PCDHA11: variants seen among roughly 807,000 people sequenced by gnomAD.
PCDHA11 encodes the protein protocadherin alpha 11.
Under a neutral mutation model 70.3 loss-of-function variants are expected in PCDHA11, and 61 were observed. The ratio of observed to expected loss-of-function variants is 0.87; its 90% confidence interval spans 0.71 to 1.07. The LOEUF (loss-of-function observed/expected upper bound fraction) is 1.07, where lower values mean the gene tolerates loss of function less well. Ranked by LOEUF, PCDHA11 falls within the 50% of genes least tolerant of loss-of-function variation. The pLI is 0.00. For missense variants in PCDHA11, 1,324 were observed against 1,237.5 expected (o/e 1.07, Z -1.05); for synonymous variants, 633 against 555.1 (o/e 1.14, Z -1.97).
chr5:140,871,193 T>G lies in PCDHA11; in HGVS notation c.2090T>G (p.Val697Gly), dbSNP rs782048235. 1.2e-6 allele frequency: 2 copies of G among 1,613,630 alleles called. No individual in the cohort carries two copies. Among genetic ancestry groups the G allele is most frequent in the African/African-American group, 1.3e-5 (1 of 75,054 alleles). ...SPEAALVDVN[V>G]YLIIAICVVS... is the part of the protein sequence containing the mutation. ...GAGGCTGCGCTGGTGGATGTCAACG[T>G]GTACCTGATCATCGCCATCTGCGTG... is the stretch of plus-strand genomic sequence containing the variant. Residue 697 changes from valine to glycine, a missense_variant, in exon 1 of 4, where the codon GTG becomes GGG. Coordinates refer to ENST00000398640, the MANE Select transcript of PCDHA11 (RefSeq NM_018902.5).
At chr5:140,875,580 C>G (rs1381718234) in intron 1 of PCDHA11, 7 of 1,613,958 alleles carry the variant, frequency 4.3e-6, no homozygotes, top group Admixed American at 1.7e-5. Context: ...ACTCCGTCTA[C>G]GAGGAGGCCA....
chr5:140,944,346 C>A (rs2093644964), intron 1 of PCDHA11, among the ~76,000 whole-genome samples: 2 of 152,130 alleles, frequency 1.3e-5, no homozygotes, highest in African/African-American at 4.8e-5. Flanking sequence ...TGCCACCACA[C>A]CTGGCTAATT....
chr5:140,928,807 C>G (rs782261335), intron 1 of PCDHA11: 1 of 1,614,094 alleles, frequency 6.2e-7, no homozygotes, highest in Admixed American at 1.7e-5. Context: ...GGTAGTGGTT[C>G]GGGACCATGG....
At chr5:140,959,412 A>G (rs2153722176) in intron 1 of PCDHA11, among the ~76,000 whole-genome samples, 1 of 152,256 alleles carries the variant, frequency 6.6e-6, no homozygotes, top group African/African-American at 2.4e-5. Context: ...GTGTTGATTG[A>G]TCTGAGAATT....
intron 1 of PCDHA11, among the ~76,000 whole-genome samples, chr5:140,961,980 T>C (rs909552255): frequency 6.6e-6 from 1 of 151,768 alleles, no homozygotes; most frequent in Non-Finnish European, 1.5e-5. Context: ...GCCTCCTGGG[T>C]TCACGCCATT....
At chr5:140,884,581 C>A in intron 1 of PCDHA11, 1 of 1,614,184 alleles carries the variant, frequency 6.2e-7, no homozygotes, top group African/African-American at 1.3e-5. Context: ...ACCTCATGGC[C>A]TTCAGTCCCA....
At chr5:140,880,554 A>T (rs546471112) in intron 1 of PCDHA11, among the ~76,000 whole-genome samples, 1 of 152,360 alleles carries the variant, frequency 6.6e-6, no homozygotes, top group South Asian at 2.1e-4. Flanking sequence ...ACTGATGGAA[A>T]TGAGGTTGAG....
intron 1 of PCDHA11, among the ~76,000 whole-genome samples, chr5:140,893,065 A>G (rs2063802609): frequency 6.6e-6 from 1 of 152,226 alleles, no homozygotes; most frequent in South Asian, 2.1e-4. Context: ...TACTGCCATG[A>G]ATAACAGGAT....
chr5:140,974,751 G>A (rs530548991), intron 1 of PCDHA11, among the ~76,000 whole-genome samples: 11 of 152,284 alleles, frequency 7.2e-5, no homozygotes, highest in African/African-American at 2.4e-4. Flanking sequence ...GCCTCCCAAA[G>A]TGCTGGGATT....
At chr5:140,917,259 T>C (rs1246984274) in intron 1 of PCDHA11, among the ~76,000 whole-genome samples, 2 of 151,338 alleles carry the variant, frequency 1.3e-5, no homozygotes, top group East Asian at 3.9e-4. Flanking sequence ...GCTCACCTGA[T>C]GTTTGGTTTT....
At chr5:140,977,732 G>A (rs538865467) in intron 1 of PCDHA11, among the ~76,000 whole-genome samples, 2 of 152,048 alleles carry the variant, frequency 1.3e-5, no homozygotes, top group African/African-American at 2.4e-5. Flanking sequence ...TTCTCTCCTG[G>A]GTGTTATGAA....
rs1188426625 is a variant in PCDHA11 at position 140,870,219 on chromosome 5, C to A, written c.1116C>A (p.Ser372Arg). 2 of 1,614,034 alleles carry A rather than the reference C, an allele frequency of 1.2e-6. No individual in the cohort carries two copies. The highest frequency in any genetic ancestry group is 1.7e-6 in the Non-Finnish European group (2 of 1,180,048). Residue 372 changes from serine to arginine, a missense_variant, in exon 1 of 4, where the codon AGC becomes AGA. By Grantham distance (110) the Ser-to-Arg change is moderately radical. Coordinates refer to ENST00000398640, the MANE Select transcript of PCDHA11 (RefSeq NM_018902.5). ...AQPSTVIALI[S>R]VSDRDSGVNG... ...CCAGCACGGTCATTGCCCTGATCAG[C>A]GTGTCTGACCGTGACTCAGGTGTCA...
At chr5:140,976,971 C>A (rs2096740170) in intron 1 of PCDHA11, among the ~76,000 whole-genome samples, 1 of 152,138 alleles carries the variant, frequency 6.6e-6, no homozygotes, top group Non-Finnish European at 1.5e-5. Flanking sequence ...TTTCCTTTTC[C>A]CTGCCTGATC....
rs782269395 is a variant in PCDHA11 at position 140,869,456 on chromosome 5, A to G, written c.353A>G (p.His118Arg). ...GTGGACAGGCCGCTGCAGGTTTTCC[A>G]TGTGAACGTGGAGGTGAAGGACATT... ...VIVDRPLQVFHVNVEVKDIND... is the reference protein window; with the variant it reads ...VIVDRPLQVFRVNVEVKDIND... Residue 118 changes from histidine (H) to arginine (R), a missense_variant, in exon 1 of 4, where the codon CAT (histidine) becomes CGT (arginine). Physicochemically the swap from His to Arg is conservative, Grantham distance 29. Coordinates refer to ENST00000398640, the MANE Select transcript of PCDHA11 (RefSeq NM_018902.5). 3 of 1,614,072 alleles carry G rather than the reference A, an allele frequency of 1.9e-6. No individual in the cohort carries two copies. Among genetic ancestry groups the G allele is most frequent in the Non-Finnish European group, 2.5e-6 (3 of 1,180,048 alleles).
intron 1 of PCDHA11, among the ~76,000 whole-genome samples, chr5:140,952,351 A>G (rs1217158530): frequency 8.3e-6 from 1 of 120,612 alleles, no homozygotes; most frequent in Non-Finnish European, 1.8e-5. Flanking sequence ...AAAAAAAAAA[A>G]AAAGAAAGAA....
intron 1 of PCDHA11, chr5:140,967,133 G>C: frequency 6.2e-7 from 1 of 1,611,928 alleles, no homozygotes; most frequent in East Asian, 2.2e-5. Flanking sequence ...CAGCTTGGAA[G>C]TGCTGGCGCA....
At chr5:140,990,007 C>T (rs1188956345) in intron 3 of PCDHA11, among the ~76,000 whole-genome samples, 2 of 151,870 alleles carry the variant, frequency 1.3e-5, no homozygotes, top group African/African-American at 2.4e-5. Flanking sequence ...TCTCCAAGGG[C>T]GTGGGCTAGG....
At position 140,892,381 on chromosome 5, in the gene PCDHA11, G is replaced by A. The variant is rs534818455; in HGVS notation, c.2391+20887G>A. Among the ~76,000 whole-genome samples the A allele has an allele frequency of 2.6e-5, 4 of 152,070 alleles. No individual in the cohort carries two copies. The South Asian group carries it at 8.3e-4, about 32-fold the overall frequency. On this transcript the variant is annotated intron_variant, in intron 1 of 3. Coordinates refer to ENST00000398640, the MANE Select transcript of PCDHA11 (RefSeq NM_018902.5). ...GCATCTTGGGGCACTAGCAATCATG[G>A]GTAATCTTAATCTATTTCAAGCTTC...
intron 3 of PCDHA11, among the ~76,000 whole-genome samples, chr5:140,984,759 T>C (rs2097119018): frequency 6.6e-6 from 1 of 152,184 alleles, no homozygotes; most frequent in Non-Finnish European, 1.5e-5. Context: ...AGTTGAATTC[T>C]AATCCCAAGC....
Sources: allele counts gnomAD v4.1 joint callset (sites outside exome capture counted in the v4.1 genomes callset), GRCh38; gene constraint gnomAD v4.1.1; transcripts MANE v1.5; gene names NCBI Gene and HGNC (gene_info 2026-07-23, HGNC 2026-07-21).